NCALD: variants seen among roughly 807,000 people sequenced by gnomAD.
NCALD encodes the protein neurocalcin delta.
In NCALD, 10 loss-of-function variants were observed where a neutral mutation model predicts 18.6. The ratio of observed to expected loss-of-function variants is 0.54; its 90% CI spans 0.33 to 0.91. The LOEUF (loss-of-function observed/expected upper bound fraction) is 0.91. NCALD is among the 40% of genes least tolerant of loss of function. The pLI is 0.03. For missense variants in NCALD, 184 were observed against 247.6 expected (o/e 0.74, Z 1.72); for synonymous variants, 88 against 87.4 (o/e 1.01, Z -0.04).
chr8:101,702,346 C>T (rs1815308092), intron 2 of NCALD, among the ~76,000 whole-genome samples: 1 of 152,074 alleles, frequency 6.6e-6, no homozygotes, highest in African/African-American at 2.4e-5. Flanking sequence ...ATCCTCCCAC[C>T]TCAGCCTCCC....
intron 4 of NCALD, among the ~76,000 whole-genome samples, chr8:101,840,360 G>C (rs1265501577): frequency 6.6e-6 from 1 of 152,184 alleles, no homozygotes; most frequent in Non-Finnish European, 1.5e-5. Flanking sequence ...TGACAATTAA[G>C]TACAGAACAT....
intron 4 of NCALD, among the ~76,000 whole-genome samples, chr8:101,870,259 A>G (rs1267110881): frequency 1.3e-5 from 2 of 152,180 alleles, no homozygotes; most frequent in South Asian, 4.1e-4. Flanking sequence ...TTTCCTTACT[A>G]AAGAGCAGTG....
intron 2 of NCALD, among the ~76,000 whole-genome samples, chr8:101,993,009 T>C (rs987301696): frequency 2.7e-5 from 4 of 146,928 alleles, no homozygotes; most frequent in African/African-American, 1.0e-4. Flanking sequence ...GGAACCAGGA[T>C]TCAGAAACTG....
intron 4 of NCALD, among the ~76,000 whole-genome samples, chr8:101,831,785 C>T (rs770809393): frequency 1.3e-5 from 2 of 152,096 alleles, no homozygotes; most frequent in Non-Finnish European, 2.9e-5. Flanking sequence ...CTCATCTAGA[C>T]TATTCTAGAT....
chr8:102,078,639 T>C (rs1489707730), intron 1 of NCALD, among the ~76,000 whole-genome samples: 1 of 152,192 alleles, frequency 6.6e-6, no homozygotes, highest in African/African-American at 2.4e-5. Flanking sequence ...CACACAACCT[T>C]GACTCATGCT....
chr8:101,944,874 G>A (rs1193885479), intron 2 of NCALD, among the ~76,000 whole-genome samples: 1 of 152,120 alleles, frequency 6.6e-6, no homozygotes, highest in Non-Finnish European at 1.5e-5. Context: ...AACCCATCTG[G>A]TTCTTCTGCT....
intron 1 of NCALD, among the ~76,000 whole-genome samples, chr8:102,061,727 A>T (rs1363278855): frequency 1.3e-5 from 2 of 152,174 alleles, no homozygotes; most frequent in Non-Finnish European, 2.9e-5. Flanking sequence ...CTGTGTTTTC[A>T]TTCCAGCCCA....
At chr8:101,989,002 A>G (rs1820942857) in intron 2 of NCALD, among the ~76,000 whole-genome samples, 1 of 151,930 alleles carries the variant, frequency 6.6e-6, no homozygotes, top group Non-Finnish European at 1.5e-5. Context: ...CTGAGTCAGG[A>G]TTGAAAAGGA....
intron 1 of NCALD, among the ~76,000 whole-genome samples, chr8:101,776,853 A>G (rs1476601931): frequency 6.6e-6 from 1 of 152,172 alleles, no homozygotes; most frequent in Admixed American, 6.6e-5. Flanking sequence ...CTGCGGACGC[A>G]ACCTTTCTGC....
At chr8:102,061,451 C>T (rs945115533) in intron 1 of NCALD, among the ~76,000 whole-genome samples, 2 of 151,850 alleles carry the variant, frequency 1.3e-5, no homozygotes, top group East Asian at 1.9e-4. Flanking sequence ...TTTTTCAAAC[C>T]GCCTGCTGTT....
chr8:101,893,414 A>G (rs1270605512), intron 3 of NCALD, among the ~76,000 whole-genome samples: 1 of 150,960 alleles, frequency 6.6e-6, no homozygotes, highest in Non-Finnish European at 1.5e-5. Flanking sequence ...AAATCATGCC[A>G]AAATGTAAAG....
At chr8:101,836,216 A>G (rs772320533) in intron 4 of NCALD, among the ~76,000 whole-genome samples, 1 of 152,100 alleles carries the variant, frequency 6.6e-6, no homozygotes, top group Non-Finnish European at 1.5e-5. Context: ...TATAGCAGTC[A>G]CTCTTTTCCT....
At chr8:101,906,425 C>T (rs540396787) in intron 3 of NCALD, among the ~76,000 whole-genome samples, 376 of 152,268 alleles carry the variant, frequency 2.5e-3, no homozygotes, top group Non-Finnish European at 4.6e-3. Flanking sequence ...GCATACCGTT[C>T]GGTCTCCAGT....
At chr8:101,762,212 C>A (rs995602769) in intron 1 of NCALD, among the ~76,000 whole-genome samples, 8 of 152,248 alleles carry the variant, frequency 5.3e-5, no homozygotes, top group Non-Finnish European at 1.0e-4. Context: ...CCAACCCCCC[C>A]ACAGAGCCTT....
chr8:102,067,057 G>A (rs1449826027), intron 1 of NCALD, among the ~76,000 whole-genome samples: 1 of 152,174 alleles, frequency 6.6e-6, no homozygotes, highest in African/African-American at 2.4e-5. Flanking sequence ...AAGACTGAAA[G>A]AAATCTTTCA....
chr8:101,710,319 A>C (rs2130303886), intron 2 of NCALD, among the ~76,000 whole-genome samples: 1 of 152,240 alleles, frequency 6.6e-6, no homozygotes, highest in Non-Finnish European at 1.5e-5. Context: ...CCTGGGTTTC[A>C]AGCACAAAAC....
At chr8:102,108,413 C>A (rs1587100438) in intron 1 of NCALD, among the ~76,000 whole-genome samples, 1 of 152,136 alleles carries the variant, frequency 6.6e-6, no homozygotes, top group Non-Finnish European at 1.5e-5. Context: ...ATCTCTAAGA[C>A]CATTTGAGCT....
Position 102,114,504 on chromosome 8 carries a change from T to C in NCALD, c.-210+9733A>G, listed in dbSNP as rs894285992. On this transcript the variant is annotated intron_variant, in intron 1 of 6. Coordinates refer to the NCALD transcript ENST00000311028. ...TGATGCAGGACTCTAAGGCTAGTAA[T>C]AGCAGGAAGCCATGACCACCCTAGG... is the stretch of plus-strand genomic sequence containing the variant. 4.6e-5 allele frequency among the ~76,000 whole-genome samples: 7 copies of C among 152,076 alleles called. 1 individual carries two copies. The highest frequency in any genetic ancestry group is 4.6e-4 in the Admixed American group (7 of 15,278).
At chr8:101,783,011 G>A (rs766072248) in intron 1 of NCALD, among the ~76,000 whole-genome samples, 6 of 152,246 alleles carry the variant, frequency 3.9e-5, no homozygotes, top group Non-Finnish European at 5.9e-5. Context: ...GGATGAGATG[G>A]GATATATCCC....
Sources: gnomAD v4.1 joint callset for allele counts (sites outside exome capture counted in the v4.1 genomes callset) on GRCh38, gnomAD v4.1.1 for gene constraint, MANE v1.5 for transcripts, NCBI Gene and HGNC (gene_info 2026-07-23, HGNC 2026-07-21) for gene names.